The following MFSD6 variants were observed in gnomAD, a reference collection of about 807,000 sequenced individuals.
The protein encoded by MFSD6 is major facilitator superfamily domain containing 6.
In MFSD6, 26 loss-of-function variants were observed where a neutral mutation model predicts 56.3. The observed-to-expected ratio is 0.46, with a 90% CI of 0.34 to 0.64. The LOEUF (loss-of-function observed/expected upper bound fraction) is 0.64. Among genes scored for constraint, MFSD6 ranks in the 30% least tolerant of loss-of-function variants. The pLI is 0.01. For missense variants in MFSD6, 750 were observed against 986.2 expected, an observed-to-expected ratio of 0.76 and a Z score of 3.21; for synonymous variants, 331 against 366.9, an observed-to-expected ratio of 0.90 and a Z score of 1.12.
chr2:190,475,761 C>A (rs1486253777), intron 4 of MFSD6, among the ~76,000 whole-genome samples: 2 of 152,152 alleles, frequency 1.3e-5, no homozygotes, highest in Admixed American at 6.5e-5. Context: ...CAAGTGAATC[C>A]TAAGCCAAAA....
At chr2:190,450,770 G>A (rs370801836) in intron 3 of MFSD6, among the ~76,000 whole-genome samples, 1 of 152,144 alleles carries the variant, frequency 6.6e-6, no homozygotes, top group African/African-American at 2.4e-5. Context: ...TGGGTTTATA[G>A]GCAATGAGCC....
chr2:190,450,488 C>CTTTTTTTTTTTTTT (rs10665730), intron 3 of MFSD6, among the ~76,000 whole-genome samples: 3 of 97,254 alleles, frequency 3.1e-5, no homozygotes, highest in African/African-American at 3.9e-5. Flanking sequence ...TCTCTTTTTC[C>CTTTTTTTTTTTTTT]TTTTTTTTTT....
At chr2:190,468,399 T>A (rs1242052468) in intron 3 of MFSD6, among the ~76,000 whole-genome samples, 1 of 152,146 alleles carries the variant, frequency 6.6e-6, no homozygotes, top group Non-Finnish European at 1.5e-5. Flanking sequence ...TCTGAGAGCA[T>A]TTCCCTTTGT....
chr2:190,469,957 C>A lies in MFSD6; in HGVS notation c.1630+102C>A. On this transcript the variant is annotated intron_variant, in intron 4 of 7. Coordinates refer to ENST00000392328, the MANE Select transcript of MFSD6 (RefSeq NM_017694.4). The surrounding 1 kb of genome is among the most constrained non-coding windows in gnomAD (Gnocchi z 5.3). ...TCTGATTCTATAAAGGAAGGGCAGG[C>A]CTACTGTTTCATGTGATTTTGAAGT... The A allele has an allele frequency of 1.3e-6, 1 of 758,860 alleles. No individual in the cohort carries two copies. The highest frequency in any genetic ancestry group is 2.5e-5 in the Admixed American group (1 of 40,284). 47.0% of individuals were successfully genotyped at this position (758,860 alleles called of 1,614,324 possible).
chr2:190,483,465 CT>C (rs1286128503), intron 4 of MFSD6, among the ~76,000 whole-genome samples: 1 of 152,064 alleles, frequency 6.6e-6, no homozygotes, highest in Non-Finnish European at 1.5e-5. Context: ...AGTACTGTAC[CT>C]ATTGGAGGAA....
chr2:190,445,785 T>G (rs1360318969), intron 3 of MFSD6, among the ~76,000 whole-genome samples: 1 of 146,378 alleles, frequency 6.8e-6, no homozygotes, highest in East Asian at 2.0e-4. Context: ...ATACTTACTT[T>G]GAAATCAGAT....
At chr2:190,483,835 CAAA>C (rs34089229) in intron 4 of MFSD6, among the ~76,000 whole-genome samples, 12,688 of 86,600 alleles carry the variant, frequency 0.15, 702 homozygotes, top group African/African-American at 0.25. Flanking sequence ...AACTCATTTT[CAAA>C]AAAAAAAAAA....
rs1326457460 is a variant in MFSD6 at position 190,465,023 on chromosome 2, C to G, written c.1533-4735C>G. On this transcript the variant is annotated intron_variant, in intron 3 of 7. Transcript: ENST00000392328. This position sits in a 1 kb window ranked among gnomAD's most constrained non-coding sequence, Gnocchi z 4.6. ...CAGAATGACTCATAATTCATTGTAT[C>G]TATATCTTGAACACTCTTGAAAAAA... The G allele has an allele frequency of 3.4e-6, 2 of 595,148 alleles. No homozygotes were observed. Among genetic ancestry groups the G allele is most frequent in the South Asian group, 7.3e-5 (1 of 13,768 alleles). 36.9% of individuals were successfully genotyped at this position (595,148 alleles called of 1,614,324 possible).
In MFSD6 at chr2:190,436,532, AC is replaced by A; in HGVS notation, c.507del (p.Thr170ProfsTer7). ...RCVPKIRPTTHPTNASHQLTI... is the reference protein window; with the variant it reads ...RCVPKIRPTTXPTNASHQLTI... ...GTACCAAAGATTCGCCCAACAACTCACCCCACCAATGCAAGTCACCAGTTAA... is the reference window on the plus strand; with the variant it reads ...GTACCAAAGATTCGCCCAACAACTCACCCACCAATGCAAGTCACCAGTTAA... On this transcript the variant is annotated frameshift_variant, in exon 3 of 8. Transcript: ENST00000392328. LOFTEE classifies it high-confidence loss of function. The surrounding 1 kb of genome is among the most constrained non-coding windows in gnomAD (Gnocchi z 5.3). The A allele has an allele frequency of 1.2e-6, 2 of 1,614,146 alleles. No individual in the cohort carries two copies. The highest frequency in any genetic ancestry group is 1.7e-6 in the Non-Finnish European group (2 of 1,180,036).
Position 190,496,697 on chromosome 2 carries a change from T to TATAC in MFSD6, c.1892-732_1892-729dup, listed in dbSNP as rs1463663706. On this transcript the variant is annotated intron_variant, in intron 6 of 7. Transcript: ENST00000392328. The surrounding 1 kb of genome is among the most constrained non-coding windows in gnomAD (Gnocchi z 4.7). ...GTGTGTGTATATACACACACACACA[T>TATAC]ATACATACATACACAATGGAATACT... Among the ~76,000 whole-genome samples, 1 of 151,878 alleles carries TATAC rather than the reference T, an allele frequency of 6.6e-6. No homozygotes were observed. Among genetic ancestry groups the TATAC allele is most frequent in the Non-Finnish European group, 1.5e-5 (1 of 67,986 alleles).
intron 3 of MFSD6, among the ~76,000 whole-genome samples, chr2:190,455,279 CTATT>C (rs1481258733): frequency 7.1e-6 from 1 of 140,620 alleles, no homozygotes; most frequent in East Asian, 2.0e-4. Context: ...ATTCATAGCT[CTATT>C]AATTAAATTT....
Position 190,485,551 on chromosome 2 carries a change from C to T in MFSD6, c.1631-3106C>T, listed in dbSNP as rs776613704. On this transcript the variant is annotated intron_variant, in intron 4 of 7. Coordinates refer to ENST00000392328, the MANE Select transcript of MFSD6 (RefSeq NM_017694.4). This position sits in a 1 kb window ranked among gnomAD's most constrained non-coding sequence, Gnocchi z 5.1. Reference sequence around the variant, plus strand: ...CCCAGTGTGGTTAATGAAAAAAAATCTGCATATGTGAAAAGAAATGGACTT... The same window carrying T: ...CCCAGTGTGGTTAATGAAAAAAAATTTGCATATGTGAAAAGAAATGGACTT... Among the ~76,000 whole-genome samples, 13 of 151,946 alleles carry T rather than the reference C, an allele frequency of 8.6e-5. No homozygotes were observed. Among genetic ancestry groups the T allele is most frequent in the Non-Finnish European group, 1.0e-4 (7 of 67,944 alleles).
rs781265628 is a variant in MFSD6, at chr2:190,437,163, C to G, written c.1134C>G (p.Leu378=). The change falls in exon 3 of 8, where the codon CTC becomes CTG. Residue 378 remains leucine, a synonymous_variant. Transcript: ENST00000392328. This position sits in a 1 kb window ranked among gnomAD's most constrained non-coding sequence, Gnocchi z 5.9. ...TCGTCTTCATCGTCTTCGGCGTTCT[C>G]ATGACCATGGCCTTGATCGTTGCCA... ...YQIVFIVFGV[L]MTMALIVATQ... The G allele has an allele frequency of 6.2e-7, 1 of 1,614,244 alleles. No homozygotes were observed. Among genetic ancestry groups the G allele is most frequent in the Admixed American group, 1.7e-5 (1 of 60,034 alleles).
chr2:190,441,322 G>A lies in MFSD6; in HGVS notation c.1532+3761G>A, dbSNP rs1686366804. Reference sequence around the variant, plus strand: ...AGCTTTTAAAGCTCCTAATGCCCAGGTTGCACCCAGACCAATTACATCAGT... The same window carrying A: ...AGCTTTTAAAGCTCCTAATGCCCAGATTGCACCCAGACCAATTACATCAGT... On this transcript the variant is annotated intron_variant, in intron 3 of 7. Coordinates refer to ENST00000392328, the MANE Select transcript of MFSD6 (RefSeq NM_017694.4). Among the ~76,000 whole-genome samples the A allele has an allele frequency of 2.0e-5, 3 of 152,088 alleles. No individual in the cohort carries two copies. The East Asian group carries it at 5.8e-4, about 30-fold the overall frequency.
chr2:190,411,805 A>C, intron 1 of MFSD6: 1 of 985,378 alleles, frequency 1.0e-6, no homozygotes, highest in Non-Finnish European at 1.2e-6. Flanking sequence ...CATATTCTAC[A>C]ACTCCTCAGT....
Position 190,500,584 on chromosome 2 carries a change from T to G in MFSD6, c.*366T>G, listed in dbSNP as rs1354003524. On this transcript the variant is annotated 3_prime_UTR_variant, in exon 8 of 8. Coordinates refer to ENST00000392328, the MANE Select transcript of MFSD6 (RefSeq NM_017694.4). The surrounding 1 kb of genome is among the most constrained non-coding windows in gnomAD (Gnocchi z 5.3). ...AAGTGTTTCGAGGTGAATGTGGATATAATTTCCCTCTTCTGATTATTTATT... is the reference window on the plus strand; with the variant it reads ...AAGTGTTTCGAGGTGAATGTGGATAGAATTTCCCTCTTCTGATTATTTATT... 5.1e-6 allele frequency: 1 copy of G among 194,580 alleles called. No homozygotes were observed. Among genetic ancestry groups the G allele is most frequent in the Non-Finnish European group, 1.1e-5 (1 of 93,792 alleles). The allele number at this position is 194,580 out of a possible 1,614,324, so 12.1% of individuals were successfully genotyped here.
intron 4 of MFSD6, among the ~76,000 whole-genome samples, chr2:190,481,257 G>A (rs1033391604): frequency 6.6e-6 from 1 of 152,182 alleles, no homozygotes; most frequent in Admixed American, 6.5e-5. Context: ...GGGCCCCCTA[G>A]AACATTGTTA....
At chr2:190,480,097 AAG>A (rs1297403281) in intron 4 of MFSD6, among the ~76,000 whole-genome samples, 10 of 152,328 alleles carry the variant, frequency 6.6e-5, no homozygotes, top group Admixed American at 5.9e-4. Context: ...CAAAAGGTTG[AAG>A]CTGCAGTGAC....
intron 2 of MFSD6, among the ~76,000 whole-genome samples, chr2:190,422,014 A>G (rs1041169230): frequency 4.6e-5 from 7 of 152,200 alleles, no homozygotes; most frequent in African/African-American, 1.4e-4. Flanking sequence ...TGTAGCTATA[A>G]GGCAATTTTG....
Sources: allele counts gnomAD v4.1 joint callset (sites outside exome capture counted in the v4.1 genomes callset), GRCh38; gene constraint gnomAD v4.1.1; non-coding constraint Gnocchi (gnomAD v3.1); transcripts MANE v1.5; gene names NCBI Gene and HGNC (gene_info 2026-07-23, HGNC 2026-07-21).